The following HS3ST6 variants were observed in gnomAD, a reference collection of about 807,000 sequenced individuals.
The protein encoded by HS3ST6 is heparan sulfate glucosamine 3-O-sulfotransferase 6.
HS3ST6 carries 13 observed loss-of-function variants against 11.0 expected under a neutral mutation model. The observed-to-expected ratio is 1.18, with a 90% CI of 0.77 to 1.88. HS3ST6 has a LOEUF of 1.88. HS3ST6 is among the 40% of genes most tolerant of loss of function. HS3ST6 has a pLI of 0.00. For synonymous variants in HS3ST6, 232 were observed against 230.6 expected (o/e 1.01, Z -0.06); for missense variants, 541 against 494.4 (o/e 1.09, Z -0.89).
chr16:1,917,660 A>G (rs1162687765), intron 1 of HS3ST6, among the ~76,000 whole-genome samples: 1 of 152,178 alleles, frequency 6.6e-6, no homozygotes, highest in Non-Finnish European at 1.5e-5. Flanking sequence ...TGGGTCCCTC[A>G]GCAGAGAGAA....
At chr16:1,914,578 A>G (rs2082913718) in intron 1 of HS3ST6, among the ~76,000 whole-genome samples, 2 of 152,058 alleles carry the variant, frequency 1.3e-5, no homozygotes, top group African/African-American at 2.4e-5. Context: ...CCTTTCCCAG[A>G]TGGCACACCA....
chr16:1,919,224 A>T (rs1475219870), upstream of HS3ST6, among the ~76,000 whole-genome samples: 1 of 152,060 alleles, frequency 6.6e-6, no homozygotes, highest in Admixed American at 6.5e-5. Context: ...GGCAAAGTGG[A>T]CCCCACTGGA....
chr16:1,917,842 T>C, intron 1 of HS3ST6, 69 bp downstream of exon 1: 1 of 1,180,738 alleles, frequency 8.5e-7, no homozygotes. Flanking sequence ...ATCGTGCCGC[T>C]GCTCCCTGGG....
At chr16:1,917,854 C>T (rs2082936571) in intron 1 of HS3ST6, 57 bp downstream of exon 1, 1 of 1,230,508 alleles carries the variant, frequency 8.1e-7, no homozygotes, top group Non-Finnish European at 1.1e-6. Flanking sequence ...CTCCCTGGGG[C>T]GCACGATACC....
rs933770752 is a variant in HS3ST6, at chr16:1,912,541, G to A, written c.414-336C>T. ...ATATCTTCCCTGTGCAATCCCTGCC[G>A]TCCTCGCTTCCAGAGCCAGCTCCCT... On this transcript the variant is annotated intron_variant, in intron 1 of 1. Coordinates refer to ENST00000454677, the MANE Select transcript of HS3ST6 (RefSeq NM_001009606.4). The surrounding 1 kb of genome is among the most constrained non-coding windows in gnomAD (Gnocchi z 5.6). Among the ~76,000 whole-genome samples, 13 of 152,016 alleles carry A rather than the reference G, an allele frequency of 8.6e-5. No homozygotes were observed. Among genetic ancestry groups the A allele is most frequent in the Non-Finnish European group, 1.8e-4 (12 of 67,990 alleles).
rs376074247 is a variant in HS3ST6, at chr16:1,911,634, G to A, written c.985C>T (p.Arg329Cys). 55 of 1,609,008 alleles carry A rather than the reference G, an allele frequency of 3.4e-5. No individual in the cohort carries two copies. The highest frequency in any genetic ancestry group is 4.2e-5 in the Non-Finnish European group (49 of 1,178,010). The part of the protein sequence containing the change: ...RLQEFYRPFN[R>C]RFYQMTGQDF... ...TGGCCCGTCATCTGGTAGAACCTGC[G>A]GTTGAAGGGCCGGTAGAACTCCTGC... The change falls in exon 2 of 2, where the codon CGC becomes TGC. Residue 329 changes from arginine (R) to cysteine (C), a missense_variant. Transcript: ENST00000454677.
upstream of HS3ST6, among the ~76,000 whole-genome samples, chr16:1,919,290 C>T (rs1339747497): frequency 5.9e-5 from 9 of 152,216 alleles, no homozygotes; most frequent in Non-Finnish European, 1.3e-4. Flanking sequence ...CAGGACCTCC[C>T]CCAGGGGCTG....
upstream of HS3ST6, among the ~76,000 whole-genome samples, chr16:1,920,625 CAGA>C (rs757484136): frequency 6.6e-6 from 1 of 152,210 alleles, no homozygotes; most frequent in African/African-American, 2.4e-5. Flanking sequence ...CCGCTGAGGG[CAGA>C]AGGACTTTCC....
In HS3ST6 at chr16:1,911,802, C is replaced by G. The variant is rs200947593; in HGVS notation, c.817G>C (p.Val273Leu). The G allele has an allele frequency of 2.7e-5, 43 of 1,613,758 alleles. No homozygotes were observed. The South Asian group carries it at 4.0e-4, about 15-fold the overall frequency. ...TTGAAGTAGAAGTGCTTGTCCGTGA[C>G]GACCCGTTTCAGGCCCAGGAAGTCC... ...VQDFLGLKRV[V>L]TDKHFYFNAT... The change falls in exon 2 of 2, where the codon GTC becomes CTC. Residue 273 changes from valine to leucine, a missense_variant. Transcript: ENST00000454677.
At chr16:1,913,074 G>T (rs1292399150) in intron 1 of HS3ST6, among the ~76,000 whole-genome samples, 1 of 152,204 alleles carries the variant, frequency 6.6e-6, no homozygotes, top group East Asian at 1.9e-4. Flanking sequence ...TTACAGACGT[G>T]AGCCACTGCG....
At position 1,912,342 on chromosome 16, in the gene HS3ST6, C is replaced by G; in HGVS notation, c.414-137G>C. On this transcript the variant is annotated intron_variant, in intron 1 of 1. Coordinates refer to ENST00000454677, the MANE Select transcript of HS3ST6 (RefSeq NM_001009606.4). The surrounding 1 kb of genome is among the most constrained non-coding windows in gnomAD (Gnocchi z 5.6). Reference sequence around the variant, plus strand: ...GAGCAAGTCTTCCTCCCTGCTCGGGCCCACCCCTGCTAGCGTGCGCGGCTG... The same window carrying G: ...GAGCAAGTCTTCCTCCCTGCTCGGGGCCACCCCTGCTAGCGTGCGCGGCTG... 5 of 774,468 alleles carry G rather than the reference C, an allele frequency of 6.5e-6. No homozygotes were observed. The highest frequency in any genetic ancestry group is 8.9e-6 in the Non-Finnish European group (5 of 564,036). 48.0% of individuals were successfully genotyped at this position (774,468 alleles called of 1,614,324 possible).
rs1376315416 is a variant in HS3ST6, at chr16:1,917,970, C to T, written c.354G>A (p.Ala118=). 10 of 1,525,456 alleles carry T rather than the reference C, an allele frequency of 6.6e-6. No homozygotes were observed. The highest frequency in any genetic ancestry group is 2.0e-5 in the Admixed American group (1 of 51,240). The allele number at this position is 1,525,456 out of a possible 1,614,324, so 94.5% of individuals were successfully genotyped here. The change falls in exon 1 of 2, where the codon GCG becomes GCA. Residue 118 remains alanine, a synonymous_variant. Coordinates refer to ENST00000454677, the MANE Select transcript of HS3ST6 (RefSeq NM_001009606.4). ...EFLRLHPDVR[A]LGSEPHFFDR... The stretch of plus-strand genomic sequence containing the variant: ...CGAAGAAGTGGGGCTCAGAGCCCAG[C>T]GCGCGGACGTCGGGGTGCAGCCGCA...
rs529420637 is a variant in HS3ST6, at chr16:1,912,338, C to T, written c.414-133G>A. The T allele has an allele frequency of 1.0e-4, 82 of 804,096 alleles. No individual in the cohort carries two copies. Among genetic ancestry groups the T allele is most frequent in the African/African-American group, 1.4e-4 (8 of 56,050 alleles). The allele number at this position is 804,096 out of a possible 1,614,324, so 49.8% of individuals were successfully genotyped here. A position where few individuals can be genotyped will look rare whatever the true frequency, so the allele number is the denominator to read the frequency against. ...GGGCGAGCAAGTCTTCCTCCCTGCT[C>T]GGGCCCACCCCTGCTAGCGTGCGCG... On this transcript the variant is annotated intron_variant, in intron 1 of 1. Coordinates refer to ENST00000454677, the MANE Select transcript of HS3ST6 (RefSeq NM_001009606.4). This position sits in a 1 kb window ranked among gnomAD's most constrained non-coding sequence, Gnocchi z 5.6.
At chr16:1,915,964 G>A (rs1194841071) in intron 1 of HS3ST6, among the ~76,000 whole-genome samples, 7 of 152,334 alleles carry the variant, frequency 4.6e-5, no homozygotes, top group East Asian at 3.9e-4. Context: ...TACTCTGCTC[G>A]CCTCCCCGCG....
chr16:1,917,775 C>A (rs912689418), intron 1 of HS3ST6, 136 bp downstream of exon 1: 49 of 571,328 alleles, frequency 8.6e-5, no homozygotes, highest in African/African-American at 8.4e-4. Flanking sequence ...GGGGCCCCCA[C>A]AGGGCGGTCC....
chr16:1,911,527 G>T lies in HS3ST6; in HGVS notation c.*63C>A. On this transcript the variant is annotated 3_prime_UTR_variant, in exon 2 of 2. Coordinates refer to ENST00000454677, the MANE Select transcript of HS3ST6 (RefSeq NM_001009606.4). ...ATTCCTCTCTGCCCAGCATGTGCAC[G>T]CAGCCCGCTCTGGCCAGGCGAGCGG... 1 of 1,461,794 alleles carries T rather than the reference G, an allele frequency of 6.8e-7. No homozygotes were observed. Among genetic ancestry groups the T allele is most frequent in the South Asian group, 1.4e-5 (1 of 72,758 alleles). The allele number at this position is 1,461,794 out of a possible 1,614,324, so 90.6% of individuals were successfully genotyped here.
intron 1 of HS3ST6, among the ~76,000 whole-genome samples, chr16:1,916,009 G>A (rs952436783): frequency 2.2e-4 from 34 of 152,318 alleles, no homozygotes; most frequent in African/African-American, 7.0e-4. Context: ...GGCACTGGGG[G>A]CCCAGTCCAG....
chr16:1,912,133 C>G lies in HS3ST6; in HGVS notation c.486G>C (p.Glu162Asp), dbSNP rs764581907. ...ACATGGCGTGGATGCGGCGGGGGGC[C>G]TCTCGCGTCACGAAGTAGCTGGGGG... The part of the protein sequence containing the change: ...EKTPSYFVTR[E>D]APRRIHAMSP... The change falls in exon 2 of 2, where the codon GAG (glutamate) becomes GAC (aspartate). Residue 162 changes from glutamate to aspartate, a missense_variant. Coordinates refer to ENST00000454677, the MANE Select transcript of HS3ST6 (RefSeq NM_001009606.4). The surrounding 1 kb of genome is among the most constrained non-coding windows in gnomAD (Gnocchi z 5.6). The G allele has an allele frequency of 3.3e-6, 5 of 1,493,344 alleles. No individual in the cohort carries two copies. Among genetic ancestry groups the G allele is most frequent in the Non-Finnish European group, 4.5e-6 (5 of 1,122,946 alleles). The allele number at this position is 1,493,344 out of a possible 1,614,324, so 92.5% of individuals were successfully genotyped here. A position where few individuals can be genotyped will look rare whatever the true frequency, so the allele number is the denominator to read the frequency against.
intron 1 of HS3ST6, among the ~76,000 whole-genome samples, chr16:1,916,746 TCTCCCCTCCTCCCCCGTCTCGCCA>T (rs1364290149): frequency 7.0e-5 from 5 of 71,930 alleles, no homozygotes; most frequent in Non-Finnish European, 1.1e-4. Context: ...CCCTCCCGCC[TCTCCCCTCCTCCCCCGTCTCGCCA>T]CTCCCCTCCT....
Sources: allele counts gnomAD v4.1 joint callset (sites outside exome capture counted in the v4.1 genomes callset), GRCh38; gene constraint gnomAD v4.1.1; non-coding constraint Gnocchi (gnomAD v3.1); transcripts MANE v1.5; gene names NCBI Gene and HGNC (gene_info 2026-07-23, HGNC 2026-07-21).